The following SPIDR variants were observed in gnomAD, a reference collection of about 807,000 sequenced individuals.
SPIDR encodes DNA repair-scaffolding protein.
Under a neutral mutation model 104.6 loss-of-function variants are expected in SPIDR, and 93 were observed. The observed-to-expected ratio is 0.89, with a 90% CI of 0.75 to 1.06. SPIDR has a LOEUF of 1.06. Among genes scored for constraint, SPIDR ranks in the 50% least tolerant of loss-of-function variants. The pLI is 0.00. For synonymous variants in SPIDR, 431 were observed against 416.9 expected (o/e 1.03, Z -0.41); for missense variants, 1,154 against 1,111.2 (o/e 1.04, Z -0.55).
rs766640280 is a variant in SPIDR at position 47,700,498 on chromosome 8, C to T, written c.1773+8C>T. 8.1e-6 allele frequency: 13 copies of T among 1,614,032 alleles called. No individual in the cohort carries two copies. Among genetic ancestry groups the T allele is most frequent in the African/African-American group, 5.3e-5 (4 of 74,906 alleles). Reference sequence around the variant, plus strand: ...GACCAGCCCTGTGAAGAGGTAAGCCCGGCACTGGAAAAACTTCCCCAGTCA... The same window carrying T: ...GACCAGCCCTGTGAAGAGGTAAGCCTGGCACTGGAAAAACTTCCCCAGTCA... On this transcript the variant is annotated splice_region_variant and intron_variant, in intron 12 of 19. Transcript: ENST00000297423.
intron 8 of SPIDR, among the ~76,000 whole-genome samples, chr8:47,493,214 C>T (rs2079012377): frequency 6.6e-6 from 1 of 152,070 alleles, no homozygotes; most frequent in African/African-American, 2.4e-5. Flanking sequence ...TGGTGCCATA[C>T]ACAGGACAGA....
chr8:47,408,581 C>T (rs972648727), intron 7 of SPIDR, among the ~76,000 whole-genome samples: 1 of 152,328 alleles, frequency 6.6e-6, no homozygotes, highest in Non-Finnish European at 1.5e-5. Flanking sequence ...GTCTCTGCTT[C>T]TGTAGCCAGA....
chr8:47,401,810 A>T (rs906262155), intron 6 of SPIDR, among the ~76,000 whole-genome samples: 7 of 152,360 alleles, frequency 4.6e-5, no homozygotes, highest in Middle Eastern at 3.4e-3. Flanking sequence ...TGCACACAAT[A>T]CAAGAGCACC....
At chr8:47,700,060 TGA>T (rs1240265849) in intron 11 of SPIDR, among the ~76,000 whole-genome samples, 1 of 151,236 alleles carries the variant, frequency 6.6e-6, no homozygotes, top group Non-Finnish European at 1.5e-5. Flanking sequence ...ACACAGAGAG[TGA>T]GAGAGAGTTA....
intron 11 of SPIDR, among the ~76,000 whole-genome samples, chr8:47,690,888 A>G (rs2078547085): frequency 6.6e-6 from 1 of 152,208 alleles, no homozygotes; most frequent in Non-Finnish European, 1.5e-5. Flanking sequence ...TTTATCTTAT[A>G]TAATTATATA....
intron 10 of SPIDR, among the ~76,000 whole-genome samples, chr8:47,671,268 A>G (rs2075758311): frequency 6.6e-6 from 1 of 152,056 alleles, no homozygotes; most frequent in Non-Finnish European, 1.5e-5. Flanking sequence ...TAGGTAGAAA[A>G]TGCTCCTAGT....
At chr8:47,732,562 C>CAT in intron 19 of SPIDR, 1 of 241,436 alleles carries the variant, frequency 4.1e-6, no homozygotes, top group Non-Finnish European at 8.1e-6. Context: ...CTCTTTACTC[C>CAT]ATGCCCAGCT....
chr8:47,453,575 C>T lies in SPIDR; in HGVS notation c.1097+13033C>T, dbSNP rs2072326031. On this transcript the variant is annotated intron_variant, in intron 8 of 19. Coordinates refer to ENST00000297423, the MANE Select transcript of SPIDR (RefSeq NM_001080394.4). ...AGAAATAATACCACACATCTACAAC[C>T]ATCTGATCTTTGACAAAAACAAGAA... Among the ~76,000 whole-genome samples the T allele has an allele frequency of 2.6e-5, 4 of 152,228 alleles. No individual in the cohort carries two copies. In the South Asian group the frequency reaches 8.3e-4, roughly 32 times the overall value.
intron 8 of SPIDR, among the ~76,000 whole-genome samples, chr8:47,466,498 G>A (rs2074799499): frequency 6.6e-6 from 1 of 152,128 alleles, no homozygotes; most frequent in African/African-American, 2.4e-5. Flanking sequence ...CAGCATACCA[G>A]AATCTCTGGA....
chr8:47,428,070 G>C (rs964985352), intron 7 of SPIDR, among the ~76,000 whole-genome samples: 26 of 152,278 alleles, frequency 1.7e-4, no homozygotes, highest in African/African-American at 6.0e-4. Flanking sequence ...TTACAGACGT[G>C]CGCCACGACG....
At chr8:47,304,929 A>G (rs2154250648) in intron 5 of SPIDR, among the ~76,000 whole-genome samples, 1 of 152,312 alleles carries the variant, frequency 6.6e-6, no homozygotes, top group East Asian at 1.9e-4. Flanking sequence ...ATGTGTTGTT[A>G]TAAAAATTTT....
intron 10 of SPIDR, among the ~76,000 whole-genome samples, chr8:47,626,646 G>A (rs568530346): frequency 1.1e-3 from 174 of 152,208 alleles, no homozygotes; most frequent in Admixed American, 2.9e-3. Context: ...AATGCTCATC[G>A]TCACTGGCCA....
chr8:47,452,861 G>A (rs976051667), intron 8 of SPIDR, among the ~76,000 whole-genome samples: 2 of 152,136 alleles, frequency 1.3e-5, no homozygotes, highest in African/African-American at 2.4e-5. Flanking sequence ...GTTCTGGCCA[G>A]GGTAGTCAGG....
chr8:47,376,810 A>G (rs781814896), intron 5 of SPIDR, among the ~76,000 whole-genome samples: 1 of 152,164 alleles, frequency 6.6e-6, no homozygotes, highest in African/African-American at 2.4e-5. Context: ...TTTTTAACCT[A>G]GTAAAGAAAT....
chr8:47,560,194 T>C (rs2056885986), intron 8 of SPIDR, among the ~76,000 whole-genome samples: 1 of 152,266 alleles, frequency 6.6e-6, no homozygotes, highest in Non-Finnish European at 1.5e-5. Context: ...GCCCAGCTCT[T>C]CTGATAGGAA....
intron 1 of SPIDR, among the ~76,000 whole-genome samples, chr8:47,272,824 A>G (rs1199015127): frequency 2.6e-5 from 4 of 152,324 alleles, no homozygotes; most frequent in African/African-American, 9.6e-5. Flanking sequence ...GATTATAGGC[A>G]TGAGCCACCA....
intron 10 of SPIDR, among the ~76,000 whole-genome samples, chr8:47,651,340 T>A (rs2071583957): frequency 6.6e-6 from 1 of 152,054 alleles, no homozygotes; most frequent in African/African-American, 2.4e-5. Flanking sequence ...CCAACAAACA[T>A]GAAAAAATGC....
chr8:47,628,233 A>G (rs976779918), intron 10 of SPIDR, among the ~76,000 whole-genome samples: 1 of 152,140 alleles, frequency 6.6e-6, no homozygotes, highest in Non-Finnish European at 1.5e-5. Context: ...TGTTTTCCCC[A>G]TGGTGTTTTA....
chr8:47,648,713 G>C (rs1029027053), intron 10 of SPIDR, among the ~76,000 whole-genome samples: 1 of 152,126 alleles, frequency 6.6e-6, no homozygotes, highest in Non-Finnish European at 1.5e-5. Flanking sequence ...TAGAAAGTAA[G>C]AATGTTCTCA....
Sources: allele counts gnomAD v4.1 joint callset (sites outside exome capture counted in the v4.1 genomes callset), GRCh38; gene constraint gnomAD v4.1.1; transcripts MANE v1.5; gene names NCBI Gene and HGNC (gene_info 2026-07-23, HGNC 2026-07-21).